Variants in GUCY1A2 observed in about 807,000 individuals in gnomAD.
GUCY1A2 encodes the protein guanylate cyclase 1 soluble subunit alpha 2, also known as guanylate cyclase soluble subunit alpha-2.
In GUCY1A2, 27 loss-of-function variants were observed where a neutral mutation model predicts 63.5. The observed-to-expected ratio is 0.43, with a 90% CI of 0.31 to 0.59. The LOEUF is 0.59. GUCY1A2 is among the 20% of genes least tolerant of loss of function. The pLI, the probability that GUCY1A2 is intolerant of heterozygous loss-of-function variation, is 0.11. For synonymous variants in GUCY1A2, 364 were observed against 343.5 expected (o/e 1.06, Z -0.66); for missense variants, 768 against 913.3 (o/e 0.84, Z 2.05).
At chr11:106,953,682 T>C (rs1860942606) in intron 3 of GUCY1A2, among the ~76,000 whole-genome samples, 1 of 152,196 alleles carries the variant, frequency 6.6e-6, no homozygotes, top group Non-Finnish European at 1.5e-5. Flanking sequence ...GGCTATTAAT[T>C]ACTGCCTCAA....
chr11:106,913,915 A>G (rs1468231809), intron 4 of GUCY1A2, among the ~76,000 whole-genome samples: 2 of 151,364 alleles, frequency 1.3e-5, no homozygotes, highest in East Asian at 3.9e-4. Flanking sequence ...ACCATCAAGC[A>G]TAACCTGGCT....
At chr11:106,704,028 A>G (rs976607861) in intron 7 of GUCY1A2, among the ~76,000 whole-genome samples, 1 of 152,002 alleles carries the variant, frequency 6.6e-6, no homozygotes, top group South Asian at 2.1e-4. Flanking sequence ...TCAGTAAGGG[A>G]CTTTTGTTAA....
intron 6 of GUCY1A2, among the ~76,000 whole-genome samples, chr11:106,760,283 G>A (rs537614461): frequency 1.6e-4 from 24 of 152,290 alleles, no homozygotes; most frequent in Non-Finnish European, 2.8e-4. Context: ...ACAGTGATGA[G>A]TGAGAATGGT....
intron 4 of GUCY1A2, chr11:106,936,641 T>C: frequency 6.6e-7 from 1 of 1,505,344 alleles, no homozygotes; most frequent in Non-Finnish European, 8.9e-7. Flanking sequence ...GGAAGAGTTT[T>C]TTTCTAACCT....
intron 5 of GUCY1A2, among the ~76,000 whole-genome samples, chr11:106,790,535 C>T (rs565325352): frequency 4.0e-5 from 6 of 151,790 alleles, no homozygotes; most frequent in South Asian, 2.1e-4. Flanking sequence ...CTTTTACTTT[C>T]CCCTCTGCTT....
intron 4 of GUCY1A2, among the ~76,000 whole-genome samples, chr11:106,877,794 A>T (rs1859770160): frequency 6.6e-6 from 1 of 152,152 alleles, no homozygotes. Context: ...ATTACACTGA[A>T]GAGCTTCTTC....
intron 3 of GUCY1A2, among the ~76,000 whole-genome samples, chr11:106,971,278 A>G (rs1430463116): frequency 1.3e-5 from 2 of 151,836 alleles, no homozygotes; most frequent in Middle Eastern, 3.4e-3. Context: ...ATGGAAGACT[A>G]TAATAAAAGA....
chr11:107,008,021 G>A (rs1339542495), intron 1 of GUCY1A2, among the ~76,000 whole-genome samples: 4 of 149,690 alleles, frequency 2.7e-5, no homozygotes, highest in African/African-American at 9.7e-5. Context: ...GGTGGCTCAC[G>A]CCTGTAATCC....
intron 5 of GUCY1A2, among the ~76,000 whole-genome samples, chr11:106,794,957 G>A (rs1864727856): frequency 6.6e-6 from 1 of 152,098 alleles, no homozygotes; most frequent in African/African-American, 2.4e-5. Flanking sequence ...TCCAGATGGA[G>A]TCAATTGCTG....
intron 4 of GUCY1A2, among the ~76,000 whole-genome samples, chr11:106,920,729 G>A (rs931833261): frequency 9.9e-5 from 15 of 152,076 alleles, no homozygotes; most frequent in African/African-American, 3.6e-4. Flanking sequence ...AGAAGCTCAA[G>A]TAAACAGCAG....
rs113659784 is a variant in GUCY1A2, at chr11:106,949,851, T to C, written c.488-9673A>G. On this transcript the variant is annotated intron_variant, in intron 3 of 7. Coordinates refer to ENST00000526355, the MANE Select transcript of GUCY1A2 (RefSeq NM_000855.3). ...AAGACCACTATAGTAACCCTAATCT[T>C]TGGTACCGTGCCTTGTCTGTGGTGA... is the stretch of plus-strand genomic sequence containing the variant. Among the ~76,000 whole-genome samples the C allele has an allele frequency of 7.4e-4, 113 of 152,284 alleles. 1 individual carries two copies. The highest frequency in any genetic ancestry group is 2.6e-3 in the African/African-American group (110 of 41,564).
rs112722020 is a variant in GUCY1A2 at position 106,827,194 on chromosome 11, G to A, written c.1207-16716C>T. 39 of 1,508,490 alleles carry A rather than the reference G, an allele frequency of 2.6e-5. 1 individual carries two copies. Among genetic ancestry groups the A allele is most frequent in the African/African-American group, 2.1e-4 (15 of 72,838 alleles). The allele number at this position is 1,508,490 out of a possible 1,614,324, so 93.4% of individuals were successfully genotyped here. A position where few individuals can be genotyped will look rare whatever the true frequency, so the allele number is the denominator to read the frequency against. ...GCCTTCATGCCAATCTGGTCCCAAC[G>A]CACTGCCTACATTATCTGATTTAGA... is the stretch of plus-strand genomic sequence containing the variant. On this transcript the variant is annotated intron_variant, in intron 4 of 7. Transcript: ENST00000526355.
Position 106,810,112 on chromosome 11 carries a change from A to T in GUCY1A2, c.1573T>A (p.Ser525Thr). The change falls in exon 5 of 8, where the codon TCA becomes ACA. Residue 525 changes from serine (S) to threonine (T), a missense_variant. By Grantham distance (58) the Ser-to-Thr change is moderately conservative (BLOSUM62 1). Coordinates refer to ENST00000526355, the MANE Select transcript of GUCY1A2 (RefSeq NM_000855.3). Reference protein sequence around the residue: ...RKFDDVTMLFSDIVGFTAICA... With the variant: ...RKFDDVTMLFTDIVGFTAICA... ...ATGGCTGTGAAGCCAACAATGTCTG[A>T]AAAGAGCATGGTGACATCATCAAAC... The T allele has an allele frequency of 6.2e-7, 1 of 1,613,964 alleles. No individual in the cohort carries two copies. The highest frequency in any genetic ancestry group is 8.5e-7 in the Non-Finnish European group (1 of 1,179,898).
chr11:106,939,169 T>C (rs1356271073), intron 4 of GUCY1A2, among the ~76,000 whole-genome samples: 1 of 152,232 alleles, frequency 6.6e-6, no homozygotes, highest in Non-Finnish European at 1.5e-5. Context: ...TTCATGTGTT[T>C]ATATTATCAG....
chr11:106,716,914 T>C (rs772049022), intron 6 of GUCY1A2, among the ~76,000 whole-genome samples: 8 of 152,050 alleles, frequency 5.3e-5, no homozygotes, highest in Non-Finnish European at 1.2e-4. Flanking sequence ...CTAGAGCCAA[T>C]TTGACACCAT....
intron 4 of GUCY1A2, among the ~76,000 whole-genome samples, chr11:106,829,791 C>T (rs1859026188): frequency 6.6e-6 from 1 of 152,072 alleles, no homozygotes; most frequent in African/African-American, 2.4e-5. Context: ...CAGGAGATCC[C>T]TTAGAGTGTC....
intron 6 of GUCY1A2, among the ~76,000 whole-genome samples, chr11:106,719,443 AATTC>A (rs1325583097): frequency 1.4e-4 from 22 of 152,278 alleles, no homozygotes; most frequent in African/African-American, 5.1e-4. Flanking sequence ...ATCAGTTATT[AATTC>A]ATTCATCTAA....
At chr11:106,830,524 C>T (rs371236256) in intron 4 of GUCY1A2, among the ~76,000 whole-genome samples, 31 of 152,186 alleles carry the variant, frequency 2.0e-4, no homozygotes, top group African/African-American at 6.0e-4. Flanking sequence ...CAGCTGCCAG[C>T]GCTGCCAGAA....
At chr11:106,826,019 C>T (rs923525421) in intron 4 of GUCY1A2, among the ~76,000 whole-genome samples, 7 of 152,188 alleles carry the variant, frequency 4.6e-5, no homozygotes, top group African/African-American at 1.7e-4. Context: ...CCTGAAACCA[C>T]AGCCATATTT....
Sources: gnomAD v4.1 joint callset for allele counts (sites outside exome capture counted in the v4.1 genomes callset) on GRCh38, gnomAD v4.1.1 for gene constraint, MANE v1.5 for transcripts, NCBI Gene and HGNC (gene_info 2026-07-23, HGNC 2026-07-21) for gene names.